CTNND2: variants seen among roughly 807,000 people sequenced by gnomAD.
CTNND2 encodes the protein catenin delta 2.
Under a neutral mutation model 144.4 loss-of-function variants are expected in CTNND2, and 22 were observed. The observed-to-expected ratio is 0.15, with a 90% CI of 0.11 to 0.22. The LOEUF (loss-of-function observed/expected upper bound fraction) is 0.22, where lower values mean the gene tolerates loss of function less well. Among genes scored for constraint, CTNND2 ranks in the 10% least tolerant of loss-of-function variants. The pLI is 1.00. For synonymous variants in CTNND2, 751 were observed against 695.6 expected (o/e 1.08, Z -1.25); for missense variants, 1,353 against 1,618.8 (o/e 0.84, Z 2.82).
chr5:11,458,637 T>C (rs1166904581), intron 3 of CTNND2, among the ~76,000 whole-genome samples: 1 of 152,206 alleles, frequency 6.6e-6, no homozygotes, highest in East Asian at 1.9e-4. Flanking sequence ...AGAACAGAAG[T>C]TCTACAAGAT....
intron 3 of CTNND2, among the ~76,000 whole-genome samples, chr5:11,495,921 T>C (rs1581337290): frequency 1.3e-5 from 2 of 152,260 alleles, no homozygotes; most frequent in African/African-American, 4.8e-5. Flanking sequence ...GCCCGAAAGA[T>C]GCTTCTCCCA....
chr5:11,471,059 C>T (rs1179731690), intron 3 of CTNND2, among the ~76,000 whole-genome samples: 1 of 148,220 alleles, frequency 6.7e-6, no homozygotes, highest in Non-Finnish European at 1.5e-5. Flanking sequence ...CTCACTGCAA[C>T]CACCGCCTCC....
intron 16 of CTNND2, among the ~76,000 whole-genome samples, chr5:11,036,036 C>T (rs1302921701): frequency 1.3e-5 from 2 of 152,118 alleles, no homozygotes; most frequent in African/African-American, 4.8e-5. Context: ...AGTATATACT[C>T]TGTTTTCAGT....
chr5:11,480,646 ATG>A (rs58951106), intron 3 of CTNND2, among the ~76,000 whole-genome samples: 4,170 of 148,892 alleles, frequency 0.028, 92 homozygotes, highest in East Asian at 0.064. Context: ...AAATACATAT[ATG>A]TGTGTGTGTG....
At chr5:11,003,913 G>A (rs530265859) in intron 18 of CTNND2, among the ~76,000 whole-genome samples, 4 of 152,296 alleles carry the variant, frequency 2.6e-5, no homozygotes, top group East Asian at 1.9e-4. Flanking sequence ...GGTACAGTAC[G>A]TATAAGCATA....
intron 2 of CTNND2, among the ~76,000 whole-genome samples, chr5:11,674,635 C>T (rs1457105542): frequency 3.3e-5 from 5 of 152,200 alleles, no homozygotes; most frequent in Non-Finnish European, 7.3e-5. Context: ...ACATGAATTT[C>T]TGTAGCGTTA....
At chr5:11,329,512 G>T (rs1204115530) in intron 9 of CTNND2, among the ~76,000 whole-genome samples, 1 of 152,130 alleles carries the variant, frequency 6.6e-6, no homozygotes, top group Non-Finnish European at 1.5e-5. Context: ...CTGAGGTACT[G>T]GGGGGTTGGG....
chr5:11,671,381 G>T (rs765347811), intron 2 of CTNND2, among the ~76,000 whole-genome samples: 7 of 152,024 alleles, frequency 4.6e-5, no homozygotes. Context: ...TTTCTGACTT[G>T]GTTCCATTAT....
chr5:11,888,554 G>A (rs893117337), intron 1 of CTNND2, among the ~76,000 whole-genome samples: 9 of 152,102 alleles, frequency 5.9e-5, no homozygotes, highest in Non-Finnish European at 1.0e-4. Flanking sequence ...AATTTCAGGG[G>A]GAAGAAAGGA....
chr5:11,151,388 C>A lies in CTNND2; in HGVS notation c.2159+8188G>T, dbSNP rs1217484167. On this transcript the variant is annotated intron_variant, in intron 12 of 21. Coordinates refer to ENST00000304623, the MANE Select transcript of CTNND2 (RefSeq NM_001332.4). Reference sequence around the variant, plus strand: ...AGTTATGAAGGATTTAAAGAATGAACCAGCTTTTTATTTATCAGGGAGCTA... The same window carrying A: ...AGTTATGAAGGATTTAAAGAATGAAACAGCTTTTTATTTATCAGGGAGCTA... Among the ~76,000 whole-genome samples the A allele has an allele frequency of 2.0e-5, 3 of 152,156 alleles. No individual in the cohort carries two copies. In the East Asian group the frequency reaches 5.8e-4, roughly 29 times the overall value.
intron 15 of CTNND2, among the ~76,000 whole-genome samples, chr5:11,085,702 A>G (rs1750059696): frequency 6.6e-6 from 1 of 152,200 alleles, no homozygotes; most frequent in Non-Finnish European, 1.5e-5. Context: ...TCCCTAGTCA[A>G]TACAGAGCCT....
intron 2 of CTNND2, among the ~76,000 whole-genome samples, chr5:11,676,612 A>C (rs1784188916): frequency 6.6e-6 from 1 of 152,020 alleles, no homozygotes; most frequent in African/African-American, 2.4e-5. Flanking sequence ...AAAAAAAAAA[A>C]AGACATACAT....
chr5:11,872,799 A>G (rs1735256571), intron 1 of CTNND2, among the ~76,000 whole-genome samples: 1 of 152,142 alleles, frequency 6.6e-6, no homozygotes, highest in Non-Finnish European at 1.5e-5. Flanking sequence ...CTGGCTAGCC[A>G]TATGCAGAAA....
chr5:11,141,136 T>G (rs2149734763), intron 12 of CTNND2, among the ~76,000 whole-genome samples: 1 of 152,236 alleles, frequency 6.6e-6, no homozygotes. Context: ...TTATTTTTTG[T>G]AGAGACAGGG....
rs3033112 is a variant in CTNND2 at position 11,307,304 on chromosome 5, A to AGTGTGT, written c.1628+39062_1628+39067dup. 3.3e-3 allele frequency among the ~76,000 whole-genome samples: 485 copies of AGTGTGT among 146,516 alleles called. 2 individuals carry two copies. The highest frequency in any genetic ancestry group is 4.3e-3 in the Admixed American group (63 of 14,716). On this transcript the variant is annotated intron_variant, in intron 9 of 21. Coordinates refer to ENST00000304623, the MANE Select transcript of CTNND2 (RefSeq NM_001332.4). ...AATATCCAAACCACAAAGGTAGAGT[A>AGTGTGT]GTGTGTGTGTGTGTGTGTGTGTGTG...
At chr5:11,516,233 T>C (rs552280735) in intron 3 of CTNND2, among the ~76,000 whole-genome samples, 1 of 152,184 alleles carries the variant, frequency 6.6e-6, no homozygotes, top group African/African-American at 2.4e-5. Context: ...AATAACATCT[T>C]GAAACAAATC....
At chr5:11,332,423 T>C (rs1478782700) in intron 9 of CTNND2, among the ~76,000 whole-genome samples, 2 of 152,140 alleles carry the variant, frequency 1.3e-5, no homozygotes, top group East Asian at 1.9e-4. Context: ...TTTCTGTCTA[T>C]AGGAGGCAGT....
At chr5:11,193,199 A>G (rs1419106111) in intron 11 of CTNND2, among the ~76,000 whole-genome samples, 3 of 152,242 alleles carry the variant, frequency 2.0e-5, no homozygotes, top group Non-Finnish European at 4.4e-5. Context: ...ATTTTTACAC[A>G]TCAGCTAACT....
chr5:11,162,890 CACACACACACACACACACACACATACAG>C (rs1758919792), intron 11 of CTNND2, among the ~76,000 whole-genome samples: 1 of 95,708 alleles, frequency 1.0e-5, no homozygotes, highest in African/African-American at 4.1e-5. Flanking sequence ...CTGCTACACA[CACACACACACACACACACACACATACAG>C]ACACACACAC....
Sources: gnomAD v4.1 joint callset for allele counts (sites outside exome capture counted in the v4.1 genomes callset) on GRCh38, gnomAD v4.1.1 for gene constraint, MANE v1.5 for transcripts, NCBI Gene and HGNC (gene_info 2026-07-23, HGNC 2026-07-21) for gene names.